Variants in GPHN observed in about 807,000 individuals in gnomAD.
GPHN encodes the protein gephyrin.
In GPHN, 17 loss-of-function variants were observed where a neutral mutation model predicts 95.5. The ratio of observed to expected loss-of-function variants is 0.18; its 90% confidence interval spans 0.12 to 0.27. GPHN has a LOEUF of 0.27. Among genes scored for constraint, GPHN ranks in the 10% least tolerant of loss-of-function variants. GPHN has a pLI of 1.00. For synonymous variants in GPHN, 320 were observed against 322.5 expected (o/e 0.99, Z 0.08); for missense variants, 660 against 978.1 (o/e 0.67, Z 4.34).
At chr14:67,727,730 A>AAG in the GPHN span, 1 of 180,712 alleles carries the variant, frequency 5.5e-6, no homozygotes, top group African/African-American at 2.4e-5. Context: ...GATCTGGCAG[A>AAG]AGAGGCCTTT....
the GPHN span, among the ~76,000 whole-genome samples, chr14:67,436,091 A>G: frequency 2.0e-5 from 3 of 152,174 alleles, no homozygotes; most frequent in Non-Finnish European, 4.4e-5. Context: ...CCGTAGCTCT[A>G]CTTCCCACAG....
At chr14:67,548,882 T>C in the GPHN span, among the ~76,000 whole-genome samples, 1 of 152,174 alleles carries the variant, frequency 6.6e-6, no homozygotes, top group Non-Finnish European at 1.5e-5. Context: ...TTGATCTACC[T>C]ACCAAAAATT....
the GPHN span, chr14:67,588,644 CT>C: frequency 6.6e-6 from 1 of 152,236 alleles, no homozygotes; most frequent in African/African-American, 2.4e-5. Context: ...AGTTCATACT[CT>C]GATTTTCCAA....
chr14:66,679,293 G>T, intron 1 of GPHN, among the ~76,000 whole-genome samples: 1 of 152,150 alleles, frequency 6.6e-6, no homozygotes, highest in Non-Finnish European at 1.5e-5. Context: ...GATAGTTTCT[G>T]TTAAAAATTC....
At chr14:66,959,471 C>T (rs1228933536) in intron 8 of GPHN, among the ~76,000 whole-genome samples, 2 of 152,044 alleles carry the variant, frequency 1.3e-5, no homozygotes, top group African/African-American at 2.4e-5. Flanking sequence ...AATGAACTCA[C>T]TCAGTTTTTG....
At chr14:66,932,960 C>G (rs1338318157) in intron 8 of GPHN, among the ~76,000 whole-genome samples, 1 of 152,124 alleles carries the variant, frequency 6.6e-6, no homozygotes, top group Non-Finnish European at 1.5e-5. Context: ...TTTGGAGGAA[C>G]TAGTTGAGAA....
At chr14:67,692,146 T>A in the GPHN span, 2 of 287,896 alleles carry the variant, frequency 6.9e-6, no homozygotes, top group Non-Finnish European at 1.3e-5. Flanking sequence ...CCTGTGTAAG[T>A]ATTTAGACCC....
At chr14:66,899,736 A>G (rs2065037085) in intron 5 of GPHN, among the ~76,000 whole-genome samples, 1 of 151,838 alleles carries the variant, frequency 6.6e-6, no homozygotes, top group South Asian at 2.1e-4. Flanking sequence ...TCTTTTTTAT[A>G]CTATCTTCAT....
chr14:67,073,907 G>A (rs1211807266), intron 11 of GPHN, among the ~76,000 whole-genome samples: 2 of 152,140 alleles, frequency 1.3e-5, no homozygotes, highest in African/African-American at 4.8e-5. Flanking sequence ...ATTAATGAAT[G>A]TACTGGTTTT....
intron 2 of GPHN, among the ~76,000 whole-genome samples, chr14:66,732,340 A>G (rs1032539004): frequency 5.3e-5 from 8 of 152,220 alleles, no homozygotes; most frequent in Non-Finnish European, 1.5e-5. Flanking sequence ...CCATTGCATC[A>G]GCGTACCCTG....
At chr14:67,134,145 AG>A (rs1263318256) in intron 17 of GPHN, among the ~76,000 whole-genome samples, 3 of 152,206 alleles carry the variant, frequency 2.0e-5, no homozygotes, top group African/African-American at 7.2e-5. Flanking sequence ...CTTTCACCCA[AG>A]GGGGTGTTAA....
intron 1 of GPHN, among the ~76,000 whole-genome samples, chr14:66,596,000 CCT>C (rs1191604596): frequency 6.6e-6 from 1 of 151,896 alleles, no homozygotes; most frequent in Non-Finnish European, 1.5e-5. Flanking sequence ...GTGGGTAGCT[CCT>C]CTCTGCAGGC....
the GPHN span, among the ~76,000 whole-genome samples, chr14:67,421,914 A>C: frequency 6.6e-6 from 1 of 152,128 alleles, no homozygotes; most frequent in Non-Finnish European, 1.5e-5. Context: ...CTGATAGACA[A>C]ATAACCTGAG....
the GPHN span, among the ~76,000 whole-genome samples, chr14:67,536,032 A>AG: frequency 6.6e-6 from 1 of 152,330 alleles, no homozygotes; most frequent in Non-Finnish European, 1.5e-5. Flanking sequence ...ATTCAAACCC[A>AG]GGCCTGTCAG....
At chr14:66,545,757 C>G (rs1380285438) in intron 1 of GPHN, among the ~76,000 whole-genome samples, 1 of 137,954 alleles carries the variant, frequency 7.2e-6, no homozygotes, top group African/African-American at 2.8e-5. Flanking sequence ...ACCTCCCTCC[C>G]GGACGGGGCA....
chr14:67,350,997 T>G, the GPHN span, among the ~76,000 whole-genome samples: 35 of 152,232 alleles, frequency 2.3e-4, no homozygotes, highest in Non-Finnish European at 4.1e-4. Context: ...AACTAATCTC[T>G]TAAATTCACT....
At chr14:67,359,683 G>C in the GPHN span, 2 of 1,614,112 alleles carry the variant, frequency 1.2e-6, no homozygotes, top group South Asian at 1.1e-5. Context: ...ATTTCAATTC[G>C]GTCTTTGCCC....
At chr14:67,202,171 C>T in the GPHN span, among the ~76,000 whole-genome samples, 169 of 152,238 alleles carry the variant, frequency 1.1e-3, no homozygotes, top group African/African-American at 3.6e-3. Context: ...CCAGGCACAG[C>T]GGCTCACGCC....
intron 18 of GPHN, among the ~76,000 whole-genome samples, chr14:67,155,147 G>A (rs944950624): frequency 3.3e-5 from 5 of 152,150 alleles, no homozygotes; most frequent in Non-Finnish European, 7.4e-5. Context: ...GAGGGGCCCT[G>A]GTAAATATCT....
Sources: allele counts gnomAD v4.1 joint callset (sites outside exome capture counted in the v4.1 genomes callset), GRCh38; gene constraint gnomAD v4.1.1; transcripts MANE v1.5; gene names NCBI Gene and HGNC (gene_info 2026-07-23, HGNC 2026-07-21).